Variants in TACC2 observed in about 807,000 individuals in gnomAD.
TACC2 encodes the protein transforming acidic coiled-coil-containing protein 2.
In TACC2, 137 loss-of-function variants were observed where a neutral mutation model predicts 227.3. The observed-to-expected ratio is 0.60, with a 90% CI of 0.52 to 0.69. TACC2 has a LOEUF of 0.69. Ranked by LOEUF, TACC2 falls within the 30% of genes least tolerant of loss-of-function variation. The probability of loss-of-function intolerance (pLI) is 0.00; values close to 1 mark genes in which losing one functional copy is unlikely to be tolerated. For synonymous variants in TACC2, 1,523 were observed against 1,487.5 expected, an observed-to-expected ratio of 1.02 and a Z score of -0.55; for missense variants, 3,470 against 3,694.4, an observed-to-expected ratio of 0.94 and a Z score of 1.57.
At chr10:122,224,659 T>C in intron 11 of TACC2, 67 bp from the exon 12 acceptor site, 2 of 1,468,518 alleles carry the variant, frequency 1.4e-6, no homozygotes, top group Admixed American at 1.7e-5. Flanking sequence ...GATCTTCCCA[T>C]TTTTTTCCTC....
At chr10:122,045,422 G>A (rs2074858158) in intron 2 of TACC2, among the ~76,000 whole-genome samples, 2 of 152,228 alleles carry the variant, frequency 1.3e-5, no homozygotes, top group Admixed American at 6.5e-5. Flanking sequence ...CAAGCTGTGT[G>A]ATCTTGGGCA....
At chr10:122,105,632 T>G (rs2082672831) in intron 5 of TACC2, among the ~76,000 whole-genome samples, 1 of 151,784 alleles carries the variant, frequency 6.6e-6, no homozygotes, top group African/African-American at 2.4e-5. Flanking sequence ...CACTTTTTTT[T>G]TTTTTGAGAT....
chr10:122,217,437 C>CTTTTTTTTTTTTTTTTTTT (rs35233150), intron 11 of TACC2, among the ~76,000 whole-genome samples: 4 of 93,256 alleles, frequency 4.3e-5, no homozygotes, highest in Non-Finnish European at 8.3e-5. Context: ...TTTCTTTTTT[C>CTTTTTTTTTTTTTTTTTTT]TTTTTTTTTT....
intron 1 of TACC2, among the ~76,000 whole-genome samples, chr10:121,997,669 G>C (rs902682542): frequency 2.6e-5 from 4 of 152,178 alleles, no homozygotes; most frequent in Non-Finnish European, 5.9e-5. Context: ...TGGGAGCAGA[G>C]AAATGAATGC....
rs180691384 is a variant in TACC2 at position 122,102,441 on chromosome 10, C to G, written c.5573+13850C>G. Reference sequence around the variant, plus strand: ...GGCTGAACTGAACCCCGTAACCGCGCCTCACTCCTGGCCCTGCCAAACCCT... The same window carrying G: ...GGCTGAACTGAACCCCGTAACCGCGGCTCACTCCTGGCCCTGCCAAACCCT... On this transcript the variant is annotated intron_variant, in intron 5 of 22. Transcript: ENST00000369005. 2.9e-3 allele frequency among the ~76,000 whole-genome samples: 440 copies of G among 152,320 alleles called. 2 individuals are homozygous for G. Among genetic ancestry groups the G allele is most frequent in the African/African-American group, 9.7e-3 (403 of 41,564 alleles).
intron 16 of TACC2, among the ~76,000 whole-genome samples, chr10:122,231,018 G>T (rs149655374): frequency 6.6e-6 from 1 of 152,214 alleles, no homozygotes; most frequent in Non-Finnish European, 1.5e-5. Context: ...GGGCCGTACT[G>T]TCTGGCACTG....
At chr10:122,145,132 G>A (rs1415942557) in intron 7 of TACC2, among the ~76,000 whole-genome samples, 1 of 152,090 alleles carries the variant, frequency 6.6e-6, no homozygotes, top group African/African-American at 2.4e-5. Flanking sequence ...TTCTTATAAA[G>A]GTAAACATAA....
chr10:122,240,120 C>G (rs1343809884), intron 18 of TACC2, among the ~76,000 whole-genome samples: 1 of 152,156 alleles, frequency 6.6e-6, no homozygotes, highest in Non-Finnish European at 1.5e-5. Context: ...AGCACTGCCT[C>G]TTAGGGTCAT....
intron 2 of TACC2, among the ~76,000 whole-genome samples, chr10:122,025,629 AGTGGTGCGATCTTG>A (rs1565098534): frequency 6.8e-6 from 1 of 147,202 alleles, no homozygotes; most frequent in South Asian, 2.2e-4. Context: ...GCTGGAGTGC[AGTGGTGCGATCTTG>A]GCTCACTGCA....
At chr10:122,169,900 G>A (rs1169918495) in intron 7 of TACC2, among the ~76,000 whole-genome samples, 3 of 151,992 alleles carry the variant, frequency 2.0e-5, no homozygotes, top group Non-Finnish European at 2.9e-5. Context: ...ACGGGTGCAC[G>A]CCACCATGCC....
At chr10:122,096,462 C>T (rs753664155) in intron 5 of TACC2, among the ~76,000 whole-genome samples, 1 of 152,020 alleles carries the variant, frequency 6.6e-6, no homozygotes, top group Non-Finnish European at 1.5e-5. Flanking sequence ...TTTGGGAGGC[C>T]GAGGCTGGTG....
intron 2 of TACC2, chr10:122,023,459 G>T (rs1455868034): frequency 3.3e-5 from 5 of 152,132 alleles, no homozygotes; most frequent in Non-Finnish European, 7.4e-5. Flanking sequence ...GGAATACTAT[G>T]CAGCCATAAA....
At position 122,192,585 on chromosome 10, in the gene TACC2, T is replaced by G. The variant is rs180733067; in HGVS notation, c.5835-2455T>G. On this transcript the variant is annotated intron_variant, in intron 7 of 22. Transcript: ENST00000369005. Reference sequence around the variant, plus strand: ...CTGTGGCCGGTGGTGCAGCTAACTTTTTTGGTGACATTGAAAGAGATTTAG... The same window carrying G: ...CTGTGGCCGGTGGTGCAGCTAACTTGTTTGGTGACATTGAAAGAGATTTAG... The G allele has an allele frequency of 5.1e-5, 21 of 415,178 alleles. No individual in the cohort carries two copies. The Middle Eastern group carries it at 1.4e-3, about 28-fold the overall frequency. The allele number at this position is 415,178 out of a possible 1,614,324, so 25.7% of individuals were successfully genotyped here. A position where few individuals can be genotyped will look rare whatever the true frequency, so the allele number is the denominator to read the frequency against.
rs114590027 is a variant in TACC2, at chr10:122,228,465, C to T, written c.7896+457C>T. Among the ~76,000 whole-genome samples, 447 of 152,226 alleles carry T rather than the reference C, an allele frequency of 2.9e-3. 4 individuals carry two copies. Among genetic ancestry groups the T allele is most frequent in the African/African-American group, 9.3e-3 (388 of 41,532 alleles). On this transcript the variant is annotated intron_variant, in intron 14 of 22. Transcript: ENST00000369005. ...GCCCTGTGGGGTCTTGCAGAGCAAACAGAGCTGAGCTGAAGGCCTCACCTA... is the reference window on the plus strand; with the variant it reads ...GCCCTGTGGGGTCTTGCAGAGCAAATAGAGCTGAGCTGAAGGCCTCACCTA...
chr10:122,005,135 G>A (rs561007559), intron 1 of TACC2, among the ~76,000 whole-genome samples: 2 of 151,868 alleles, frequency 1.3e-5, no homozygotes, highest in Non-Finnish European at 2.9e-5. Flanking sequence ...AGGCTGGAGT[G>A]CAATGGTGCA....
At chr10:122,222,089 C>T (rs752220340) in intron 11 of TACC2, among the ~76,000 whole-genome samples, 3 of 152,242 alleles carry the variant, frequency 2.0e-5, no homozygotes, top group Non-Finnish European at 4.4e-5. Flanking sequence ...CAAGGACCAT[C>T]TCCTCCAGTT....
At chr10:122,074,052 T>C (rs1200327840) in intron 3 of TACC2, among the ~76,000 whole-genome samples, 1 of 151,420 alleles carries the variant, frequency 6.6e-6, no homozygotes, top group African/African-American at 2.4e-5. Flanking sequence ...AGTGCTGGGA[T>C]TACAGGCGTA....
chr10:122,219,365 A>C (rs2095479662), intron 11 of TACC2, among the ~76,000 whole-genome samples: 1 of 152,194 alleles, frequency 6.6e-6, no homozygotes, highest in South Asian at 2.1e-4. Flanking sequence ...GAAACACCGT[A>C]ATAATGATGT....
In TACC2 at chr10:122,083,850, G is replaced by A; in HGVS notation, c.1350G>A (p.Met450Ile). The change falls in exon 4 of 23, where the codon ATG becomes ATA. Residue 450 changes from methionine (M) to isoleucine (I), a missense_variant. By Grantham distance (10) the Met-to-Ile change is conservative (BLOSUM62 1). Around this residue, in one of 10 missense-constraint regions of TACC2, gnomAD observed 1,924 missense variants for 1,978.3 expected, o/e 0.97. Coordinates refer to ENST00000369005, the MANE Select transcript of TACC2 (RefSeq NM_206862.4). Reference sequence around the variant, plus strand: ...GGGAATCAGTTTCCAAGGCTGGGATGCCAGTTTCTGCAGATGCAGCCAAAG... The same window carrying A: ...GGGAATCAGTTTCCAAGGCTGGGATACCAGTTTCTGCAGATGCAGCCAAAG... ...SSRESVSKAG[M>I]PVSADAAKEV... 1.2e-6 allele frequency: 2 copies of A among 1,614,174 alleles called. No individual in the cohort carries two copies. Among genetic ancestry groups the A allele is most frequent in the Non-Finnish European group, 1.7e-6 (2 of 1,180,030 alleles).
Sources: allele counts gnomAD v4.1 joint callset (sites outside exome capture counted in the v4.1 genomes callset), GRCh38; gene constraint gnomAD v4.1.1; regional missense constraint gnomAD v4.1.1; transcripts MANE v1.5; gene names NCBI Gene and HGNC (gene_info 2026-07-23, HGNC 2026-07-21).